The following EEFSEC variants were observed in gnomAD, a reference collection of about 807,000 sequenced individuals.
The protein encoded by EEFSEC is eukaryotic elongation factor, selenocysteine-tRNA specific, also known as selenocysteine-specific elongation factor.
In EEFSEC, 43 loss-of-function variants were observed where a neutral mutation model predicts 42.1. That is an observed-to-expected ratio of 1.02 (90% confidence interval 0.80 to 1.32). The LOEUF (loss-of-function observed/expected upper bound fraction) is 1.32. Ranked by LOEUF, EEFSEC falls within the 40% of genes most tolerant of loss-of-function variation. The pLI is 0.00. For synonymous variants in EEFSEC, 354 were observed against 339.1 expected (o/e 1.04, Z -0.48); for missense variants, 745 against 803.6 (o/e 0.93, Z 0.88).
intron 6 of EEFSEC, among the ~76,000 whole-genome samples, chr3:128,380,669 T>G (rs1351189691): frequency 1.3e-5 from 2 of 152,262 alleles, no homozygotes; most frequent in Non-Finnish European, 2.9e-5. Flanking sequence ...TTGTGGAACT[T>G]GCTGTTCTGG....
the EEFSEC span, among the ~76,000 whole-genome samples, chr3:128,425,914 G>A: frequency 0.36 from 54,844 of 152,110 alleles, 13,014 homozygotes; most frequent in African/African-American, 0.67. Flanking sequence ...TCCGGGGGAA[G>A]GGTTTCCAGG....
chr3:128,358,392 TC>T lies in EEFSEC; in HGVS notation c.1600+22del. ...ATCCCAGGTAAGTGCAGCCACTTCC[TC>T]CCGGTTTAGGGACACCGTGCAGGGC... On this transcript the variant is annotated intron_variant, in intron 6 of 6. Transcript: ENST00000254730. 4 of 1,613,720 alleles carry T rather than the reference TC, an allele frequency of 2.5e-6. No individual in the cohort carries two copies. The highest frequency in any genetic ancestry group is 3.4e-6 in the Non-Finnish European group (4 of 1,179,670).
rs774103798 is a variant in EEFSEC, at chr3:128,153,711, G to T, written c.204G>T (p.Leu68Phe). The change falls in exon 1 of 7, where the codon TTG becomes TTT. Residue 68 changes from leucine (L) to phenylalanine (F), a missense_variant. Physicochemically the swap from Leu to Phe is conservative, Grantham distance 22 (BLOSUM62 0). Coordinates refer to ENST00000254730, the MANE Select transcript of EEFSEC (RefSeq NM_021937.5). ...TGCCCGCGCGCCTGCGGTCGTCTTT[G>T]CCCGAGTTCCAGGCAGCGCCCGAGG... The part of the protein sequence containing the change: ...VPLPARLRSS[L>F]PEFQAAPEAE... 7 of 1,587,196 alleles carry T rather than the reference G, an allele frequency of 4.4e-6. No individual in the cohort carries two copies. Among genetic ancestry groups the T allele is most frequent in the Non-Finnish European group, 6.0e-6 (7 of 1,174,998 alleles).
chr3:128,349,921 C>T (rs547653937), intron 5 of EEFSEC, among the ~76,000 whole-genome samples: 1 of 152,356 alleles, frequency 6.6e-6, no homozygotes, highest in South Asian at 2.1e-4. Context: ...TTGGACTTTC[C>T]TCTGGAAATG....
chr3:128,192,094 G>A (rs2065530539), intron 1 of EEFSEC, among the ~76,000 whole-genome samples: 1 of 152,220 alleles, frequency 6.6e-6, no homozygotes, highest in South Asian at 2.1e-4. Context: ...GTAATATTGT[G>A]TGTGGCATTG....
chr3:128,374,865 A>C (rs2107608364), intron 6 of EEFSEC, among the ~76,000 whole-genome samples: 1 of 152,356 alleles, frequency 6.6e-6, no homozygotes, highest in East Asian at 1.9e-4. Flanking sequence ...CAAGTCACAC[A>C]GCTCTTGAGC....
intron 1 of EEFSEC, among the ~76,000 whole-genome samples, chr3:128,232,569 G>A (rs1026269921): frequency 7.2e-5 from 11 of 152,148 alleles, no homozygotes; most frequent in African/African-American, 2.7e-4. Context: ...GTTAAAATGG[G>A]GGGAAGGGGA....
In EEFSEC at chr3:128,408,297, C is replaced by G. The variant is rs757955975; in HGVS notation, c.*38C>G. 1.3e-6 allele frequency: 2 copies of G among 1,513,342 alleles called. No homozygotes were observed. Among genetic ancestry groups the G allele is most frequent in the Non-Finnish European group, 1.8e-6 (2 of 1,124,732 alleles). 93.7% of individuals were successfully genotyped at this position (1,513,342 alleles called of 1,614,324 possible). A position where few individuals can be genotyped will look rare whatever the true frequency, so the allele number is the denominator to read the frequency against. The stretch of plus-strand genomic sequence containing the variant: ...CTCCCCCAGGGCCTCCTTGCCCAGC[C>G]CAGTCCAGGCTGCTGTGCCAAATCC... On this transcript the variant is annotated 3_prime_UTR_variant, in exon 7 of 7. Transcript: ENST00000254730.
intron 1 of EEFSEC, among the ~76,000 whole-genome samples, chr3:128,227,281 A>G (rs769204689): frequency 2.0e-5 from 3 of 151,928 alleles, no homozygotes; most frequent in Non-Finnish European, 2.9e-5. Context: ...TGCTGATTTT[A>G]CTTACTTTTT....
chr3:128,274,154 G>A (rs1348171946), intron 4 of EEFSEC, among the ~76,000 whole-genome samples: 2 of 152,210 alleles, frequency 1.3e-5, no homozygotes, highest in African/African-American at 2.4e-5. Flanking sequence ...CCAGCTGAGG[G>A]GCAGTGTTAC....
At chr3:128,306,626 TA>T (rs1288535206) in intron 4 of EEFSEC, among the ~76,000 whole-genome samples, 2 of 152,246 alleles carry the variant, frequency 1.3e-5, no homozygotes, top group African/African-American at 2.4e-5. Context: ...TTAAAAGTTC[TA>T]AAAAAACTTT....
the EEFSEC span, among the ~76,000 whole-genome samples, chr3:128,417,285 C>T: frequency 1.1e-4 from 17 of 152,114 alleles, no homozygotes; most frequent in African/African-American, 2.7e-4. The surrounding 1 kb of genome is among the most constrained non-coding windows in gnomAD (Gnocchi z 4.3). Flanking sequence ...AGGCCCTGCA[C>T]GACCTCCCTG....
chr3:128,372,011 A>G (rs564384548), intron 6 of EEFSEC, among the ~76,000 whole-genome samples: 26 of 152,330 alleles, frequency 1.7e-4, no homozygotes, highest in African/African-American at 5.1e-4. Context: ...AGTGAATGCA[A>G]CTTTTCTTTG....
chr3:128,196,594 A>G (rs2065587110), intron 1 of EEFSEC, among the ~76,000 whole-genome samples: 2 of 152,150 alleles, frequency 1.3e-5, no homozygotes, highest in Admixed American at 1.3e-4. Context: ...TATCCTAAAC[A>G]TTTTTCCCAT....
chr3:128,264,144 G>A (rs138483335), intron 3 of EEFSEC, among the ~76,000 whole-genome samples: 23 of 152,296 alleles, frequency 1.5e-4, no homozygotes, highest in African/African-American at 3.4e-4. Context: ...GCCTGCTGGC[G>A]GCTGGCTTCT....
intron 1 of EEFSEC, among the ~76,000 whole-genome samples, chr3:128,159,122 GAGA>G (rs1944432506): frequency 6.6e-6 from 1 of 152,220 alleles, no homozygotes. Context: ...TTCTTGTAAA[GAGA>G]AGGTGTTCCC....
chr3:128,414,218 A>G, the EEFSEC span, among the ~76,000 whole-genome samples: 1 of 152,184 alleles, frequency 6.6e-6, no homozygotes. Context: ...GGCAGGCTGG[A>G]GGGTCTGTGG....
chr3:128,282,549 A>C (rs1393683344), intron 4 of EEFSEC, among the ~76,000 whole-genome samples: 1 of 152,260 alleles, frequency 6.6e-6, no homozygotes, highest in African/African-American at 2.4e-5. Flanking sequence ...GGACACGTGC[A>C]CATGTGCACA....
chr3:128,404,083 G>A (rs898616777), intron 6 of EEFSEC, among the ~76,000 whole-genome samples: 1 of 152,360 alleles, frequency 6.6e-6, no homozygotes, highest in East Asian at 1.9e-4. Flanking sequence ...GGCTGGGTGG[G>A]TAGCAGCTCT....
Sources: gnomAD v4.1 joint callset for allele counts (sites outside exome capture counted in the v4.1 genomes callset) on GRCh38, gnomAD v4.1.1 for gene constraint, Gnocchi (gnomAD v3.1) non-coding constraint, MANE v1.5 for transcripts, NCBI Gene and HGNC (gene_info 2026-07-23, HGNC 2026-07-21) for gene names.